NAV2: variants seen among roughly 807,000 people sequenced by gnomAD.
The protein encoded by NAV2 is neuron navigator 2.
In NAV2, 54 loss-of-function variants were observed where a neutral mutation model predicts 223.2. The ratio of observed to expected loss-of-function variants is 0.24; its 90% confidence interval spans 0.19 to 0.30. The LOEUF (loss-of-function observed/expected upper bound fraction) is 0.30, where lower values mean the gene tolerates loss of function less well. NAV2 is among the 10% of genes least tolerant of loss of function. NAV2 has a pLI of 1.00. For missense variants in NAV2, 2,806 were observed against 3,147.5 expected (o/e 0.89, Z 2.60); for synonymous variants, 1,279 against 1,239.3 (o/e 1.03, Z -0.67).
chr11:19,925,747 CAAA>C (rs748662441), intron 6 of NAV2, among the ~76,000 whole-genome samples: 38 of 95,758 alleles, frequency 4.0e-4, no homozygotes, highest in African/African-American at 1.1e-3. Context: ...GATTCTGTCT[CAAA>C]AAAAAAAAAA....
chr11:19,890,886 C>G (rs1211787196), intron 5 of NAV2, among the ~76,000 whole-genome samples: 1 of 152,154 alleles, frequency 6.6e-6, no homozygotes, highest in Non-Finnish European at 1.5e-5. Flanking sequence ...AATGTCCTCT[C>G]CAAAGGAGAT....
At chr11:19,995,776 G>A (rs2051816807) in intron 11 of NAV2, among the ~76,000 whole-genome samples, 1 of 152,210 alleles carries the variant, frequency 6.6e-6, no homozygotes, top group Admixed American at 6.5e-5. Flanking sequence ...TCATGAAATT[G>A]TAGTCTTGTT....
intron 1 of NAV2, among the ~76,000 whole-genome samples, chr11:19,639,452 G>A (rs1190557018): frequency 6.6e-6 from 1 of 152,136 alleles, no homozygotes; most frequent in Non-Finnish European, 1.5e-5. Context: ...TTTAGATCTA[G>A]CACTGTATAT....
intron 20 of NAV2, among the ~76,000 whole-genome samples, chr11:20,064,406 C>T (rs1223036889): frequency 6.6e-6 from 1 of 152,206 alleles, no homozygotes; most frequent in East Asian, 1.9e-4. Context: ...CACAGAGAAG[C>T]TGTAGTGGAT....
At chr11:19,901,211 G>T (rs1250167226) in intron 6 of NAV2, among the ~76,000 whole-genome samples, 1 of 152,186 alleles carries the variant, frequency 6.6e-6, no homozygotes, top group African/African-American at 2.4e-5. Flanking sequence ...ACTGGAGCTT[G>T]AGAACCCTAG....
chr11:19,918,374 G>A (rs1162148182), intron 6 of NAV2, among the ~76,000 whole-genome samples: 3 of 152,196 alleles, frequency 2.0e-5, no homozygotes, highest in African/African-American at 7.2e-5. Flanking sequence ...CTTTGCTTCT[G>A]GCTTGTCAGC....
chr11:19,797,984 TTGTC>T (rs1176510114), intron 1 of NAV2, among the ~76,000 whole-genome samples: 3 of 152,160 alleles, frequency 2.0e-5, no homozygotes, highest in African/African-American at 7.2e-5. Flanking sequence ...CAGTTGATGT[TTGTC>T]TGATGATTTA....
intron 1 of NAV2, among the ~76,000 whole-genome samples, chr11:19,658,077 A>G (rs895160942): frequency 2.0e-5 from 3 of 152,208 alleles, no homozygotes; most frequent in Non-Finnish European, 4.4e-5. Context: ...TTAATCACAA[A>G]CAATAAATAT....
intron 11 of NAV2, among the ~76,000 whole-genome samples, chr11:19,997,308 C>T (rs541450713): frequency 6.6e-6 from 1 of 152,044 alleles, no homozygotes; most frequent in African/African-American, 2.4e-5. Context: ...CCTCCAGGGC[C>T]CCTCCAACTT....
At chr11:19,388,108 CT>C (rs1849112218) in intron 1 of NAV2, among the ~76,000 whole-genome samples, 3 of 152,168 alleles carry the variant, frequency 2.0e-5, no homozygotes, top group Admixed American at 1.3e-4. Flanking sequence ...GAGATGAAAC[CT>C]TGAAAACTCC....
chr11:20,090,717 G>T (rs2060782959), intron 26 of NAV2, 148 bp from the exon 27 acceptor site: 3 of 683,742 alleles, frequency 4.4e-6, no homozygotes, highest in Non-Finnish European at 7.1e-6. Flanking sequence ...TCTGTTTTCA[G>T]GTGCTTTTGG....
chr11:19,385,458 T>C (rs1464837645), intron 1 of NAV2, among the ~76,000 whole-genome samples: 1 of 152,254 alleles, frequency 6.6e-6, no homozygotes, highest in Non-Finnish European at 1.5e-5. Context: ...CTATTTATCA[T>C]ATTTTCTTGA....
intron 1 of NAV2, among the ~76,000 whole-genome samples, chr11:19,651,339 G>T (rs549366608): frequency 6.6e-6 from 1 of 152,312 alleles, no homozygotes; most frequent in South Asian, 2.1e-4. Context: ...AACCTGCTAG[G>T]CCCCAAGGTG....
intron 1 of NAV2, among the ~76,000 whole-genome samples, chr11:19,696,261 C>T (rs1485261030): frequency 1.3e-5 from 2 of 152,206 alleles, no homozygotes; most frequent in African/African-American, 4.8e-5. Context: ...GAAACATTTC[C>T]CAGTGTTCCC....
intron 3 of NAV2, among the ~76,000 whole-genome samples, chr11:19,859,795 CG>C (rs2061597000): frequency 1.4e-5 from 2 of 143,346 alleles, no homozygotes; most frequent in Admixed American, 6.8e-5. Context: ...CCCTCCCGGA[CG>C]GGGCGGCTGG....
intron 5 of NAV2, among the ~76,000 whole-genome samples, chr11:19,889,776 C>G (rs991995304): frequency 6.6e-6 from 1 of 152,112 alleles, no homozygotes; most frequent in Non-Finnish European, 1.5e-5. Context: ...CCACAGATAC[C>G]CCAAGTATAA....
chr11:19,685,422 C>T (rs1590087588), intron 1 of NAV2, among the ~76,000 whole-genome samples: 1 of 152,224 alleles, frequency 6.6e-6, no homozygotes, highest in East Asian at 1.9e-4. Flanking sequence ...GACCACACCC[C>T]CTTCCCAATA....
chr11:19,679,596 T>C (rs573999645), intron 1 of NAV2, among the ~76,000 whole-genome samples: 2 of 152,292 alleles, frequency 1.3e-5, no homozygotes, highest in Admixed American at 1.3e-4. Flanking sequence ...TACCCCACCA[T>C]CTCTTGACTC....
chr11:19,589,805 T>C (rs538421243), intron 1 of NAV2, among the ~76,000 whole-genome samples: 1 of 152,320 alleles, frequency 6.6e-6, no homozygotes, highest in Non-Finnish European at 1.5e-5. Context: ...AGGGATGGTC[T>C]ATTTAAAGCC....
Sources: gnomAD v4.1 joint callset for allele counts (sites outside exome capture counted in the v4.1 genomes callset) on GRCh38, gnomAD v4.1.1 for gene constraint, MANE v1.5 for transcripts, NCBI Gene and HGNC (gene_info 2026-07-23, HGNC 2026-07-21) for gene names.